The following SPTBN5 variants were observed in gnomAD, a reference collection of about 807,000 sequenced individuals.
SPTBN5 encodes the protein spectrin beta chain, non-erythrocytic 5.
Under a neutral mutation model 477.6 loss-of-function variants are expected in SPTBN5, and 513 were observed. The ratio of observed to expected loss-of-function variants is 1.07; its 90% CI spans 1.00 to 1.16. The LOEUF is 1.16. SPTBN5 is among the 50% of genes most tolerant of loss of function. The pLI is 0.00. For synonymous variants in SPTBN5, 2,169 were observed against 2,011.7 expected (o/e 1.08, Z -2.09); for missense variants, 5,062 against 4,731.8 (o/e 1.07, Z -2.05).
chr15:41,893,379 T>C lies in SPTBN5; in HGVS notation c.119A>G (p.Tyr40Cys). 1 of 1,613,876 alleles carries C rather than the reference T, an allele frequency of 6.2e-7. No individual in the cohort carries two copies. Among genetic ancestry groups the C allele is most frequent in the Non-Finnish European group, 8.5e-7 (1 of 1,179,878 alleles). Residue 40 changes from tyrosine to cysteine, a missense_variant, in exon 2 of 68, where the codon TAC (tyrosine) becomes TGC (cysteine). By Grantham distance (194) the Tyr-to-Cys change is radical. Transcript: ENST00000320955. Reference sequence around the variant, plus strand: ...TAGCTTGCGAATGTGGCCCGTCTCGTACTGAGAGTCCATGGTGAGACTTGG... The same window carrying C: ...TAGCTTGCGAATGTGGCCCGTCTCGCACTGAGAGTCCATGGTGAGACTTGG... ...PSPSLTMDSQYETGHIRKLQA... is the reference protein window; with the variant it reads ...PSPSLTMDSQCETGHIRKLQA...
chr15:41,851,648 G>T, intron 63 of SPTBN5, 131 bp downstream of exon 63: 1 of 708,282 alleles, frequency 1.4e-6, no homozygotes, highest in Non-Finnish European at 2.4e-6. Flanking sequence ...AAACTGCCTG[G>T]ACAGCATGGT....
chr15:41,870,619 C>T, intron 29 of SPTBN5, 59 bp from the exon 30 acceptor site: 3 of 1,440,612 alleles, frequency 2.1e-6, no homozygotes, highest in Non-Finnish European at 2.9e-6. Context: ...GTCATTCCTC[C>T]CTCCCGCTAG....
chr15:41,850,019 C>T, intron 66 of SPTBN5, 60 bp from the exon 67 acceptor site: 1 of 1,366,204 alleles, frequency 7.3e-7, no homozygotes. Context: ...GGCGCCAGGT[C>T]TGGCTGCTCC....
At chr15:41,874,756 C>T in intron 23 of SPTBN5, 86 bp downstream of exon 23, 1 of 1,369,216 alleles carries the variant, frequency 7.3e-7, no homozygotes, top group Non-Finnish European at 1.0e-6. Flanking sequence ...GAGGTCTGGA[C>T]ACCCCGGTCC....
Position 41,855,436 on chromosome 15 carries a change from AAG to A in SPTBN5, c.9219-10_9219-9del, listed in dbSNP as rs766178215. The A allele has an allele frequency of 6.9e-6, 11 of 1,599,722 alleles. No homozygotes were observed. Among genetic ancestry groups the A allele is most frequent in the Non-Finnish European group, 9.4e-6 (11 of 1,173,572 alleles). ...TGGGCTAGCACCTTGGGGCTGTGGG[AAG>A]AGAGCGACAGTCTGGACTGCAGCCC... On this transcript the variant is annotated splice_polypyrimidine_tract_variant and intron_variant, in intron 54 of 67. Transcript: ENST00000320955.
chr15:41,889,881 C>G (rs997858731), intron 4 of SPTBN5, among the ~76,000 whole-genome samples: 3 of 152,220 alleles, frequency 2.0e-5, no homozygotes, highest in Non-Finnish European at 4.4e-5. Flanking sequence ...GGCCCTGGCC[C>G]TCACTTTAGC....
intron 41 of SPTBN5, 66 bp from the exon 42 acceptor site, chr15:41,862,969 G>A: frequency 6.9e-7 from 1 of 1,441,352 alleles, no homozygotes; most frequent in East Asian, 2.5e-5. Context: ...CTGGCAAAGG[G>A]CCCAACCAGT....
At chr15:41,872,567 C>A in intron 26 of SPTBN5, 108 bp from the exon 27 acceptor site, 1 of 1,206,044 alleles carries the variant, frequency 8.3e-7, no homozygotes, top group South Asian at 1.5e-5. Context: ...ACCCACCACT[C>A]ACACGCCCAT....
intron 66 of SPTBN5, chr15:41,850,622 A>C (rs1356230336): frequency 1.8e-6 from 1 of 559,736 alleles, no homozygotes; most frequent in Non-Finnish European, 3.2e-6. Flanking sequence ...ACCAGGACAC[A>C]GCTGGGGGTT....
rs754784814 is a variant in SPTBN5 at position 41,890,188 on chromosome 15, G to T, written c.402C>A (p.Ile134=). 1 of 1,611,814 alleles carries T rather than the reference G, an allele frequency of 6.2e-7. No homozygotes were observed. The highest frequency in any genetic ancestry group is 8.5e-7 in the Non-Finnish European group (1 of 1,178,840). Residue 134 remains isoleucine (I), a synonymous_variant, in exon 4 of 68, where the codon ATC becomes ATA. Transcript: ENST00000320955. ...FLRAKVPVPL[I]GPENIVDGDQ... ...CTCCGTCCACGATGTTCTCTGGCCC[G>T]ATGAGTGGTACTGGCACCTGTGGGC... is the stretch of plus-strand genomic sequence containing the variant.
Position 41,882,625 on chromosome 15 carries a change from C to T in SPTBN5, c.2006G>A (p.Arg669Gln). Residue 669 changes from arginine (R) to glutamine (Q), a missense_variant, in exon 10 of 68, where the codon CGG becomes CAG. Coordinates refer to ENST00000320955, the MANE Select transcript of SPTBN5 (RefSeq NM_016642.4). The part of the protein sequence containing the change: ...GQRVGNAALG[R>Q]DLSQIAGALQ... The stretch of plus-strand genomic sequence containing the variant: ...GGCGCCTGCGATCTGGCTGAGATCC[C>T]GGCCCAGGGCCGCATTCCCCACCCG... 2 of 1,606,754 alleles carry T rather than the reference C, an allele frequency of 1.2e-6. No individual in the cohort carries two copies. Among genetic ancestry groups the T allele is most frequent in the Non-Finnish European group, 1.7e-6 (2 of 1,177,562 alleles).
intron 41 of SPTBN5, 26 bp downstream of exon 41, chr15:41,863,678 C>T: frequency 3.1e-6 from 5 of 1,589,318 alleles, no homozygotes; most frequent in Non-Finnish European, 4.3e-6. Flanking sequence ...TCACAGCCCC[C>T]ACCGGGACCT....
At chr15:41,858,290 C>A (rs193208492) in intron 49 of SPTBN5, among the ~76,000 whole-genome samples, 1 of 152,016 alleles carries the variant, frequency 6.6e-6, no homozygotes. Context: ...AGAGCAAGAC[C>A]CTGTCTCAAA....
chr15:41,861,551 T>C (rs1008374996), intron 45 of SPTBN5, 55 bp from the exon 46 acceptor site: 18 of 1,568,946 alleles, frequency 1.1e-5, no homozygotes, highest in African/African-American at 8.1e-5. Context: ...GCCACTGCAG[T>C]TGGAGTGACT....
At chr15:41,868,353 C>T (rs1487181989) in intron 33 of SPTBN5, 45 bp downstream of exon 33, 1 of 1,579,412 alleles carries the variant, frequency 6.3e-7, no homozygotes, top group Non-Finnish European at 8.6e-7. Context: ...CAGGCACAGG[C>T]TTGGTCAGCT....
At position 41,877,119 on chromosome 15, in the gene SPTBN5, A is replaced by C; in HGVS notation, c.3708T>G (p.Leu1236=). 1 of 1,613,854 alleles carries C rather than the reference A, an allele frequency of 6.2e-7. No homozygotes were observed. The highest frequency in any genetic ancestry group is 8.5e-7 in the Non-Finnish European group (1 of 1,179,814). Residue 1236 remains leucine, a synonymous_variant, in exon 18 of 68, where the codon CTT becomes CTG. Transcript: ENST00000320955. ...NHQAWLHLDN[L]GEDVREALSL... The stretch of plus-strand genomic sequence containing the variant: ...GCTCCACATTCCTGCTCCATACCCC[A>C]AGGTTGTCCAGGTGCAGCCAGGCCT...
chr15:41,877,638 G>A (rs1199008412), intron 17 of SPTBN5, among the ~76,000 whole-genome samples: 1 of 152,252 alleles, frequency 6.6e-6, no homozygotes, highest in Non-Finnish European at 1.5e-5. Context: ...GCACCTGACC[G>A]CAGGGCCACT....
rs960127991 is a variant in SPTBN5, at chr15:41,875,460, G to T, written c.4285C>A (p.Gln1429Lys). ...CCCTGTCCCTCTTCCCAGTGGACCT[G>T]CAGCTGCCTCAGGAGTTGCTCCTGC... ...GQQEQLLRQL[Q>K]DAKEQLEQLE... The change falls in exon 22 of 68, where the codon CAG becomes AAG. Residue 1429 changes from glutamine (Q) to lysine (K), a missense_variant and splice_region_variant. By Grantham distance (53) the Gln-to-Lys change is moderately conservative (BLOSUM62 1). Coordinates refer to ENST00000320955, the MANE Select transcript of SPTBN5 (RefSeq NM_016642.4). The T allele has an allele frequency of 1.2e-6, 2 of 1,611,312 alleles. No individual in the cohort carries two copies. The highest frequency in any genetic ancestry group is 1.3e-5 in the African/African-American group (1 of 75,032).
chr15:41,888,213 C>A, intron 4 of SPTBN5, 128 bp from the exon 5 acceptor site: 1 of 881,176 alleles, frequency 1.1e-6, no homozygotes, highest in Non-Finnish European at 1.7e-6. Context: ...GCCAGTGTGA[C>A]TCTCCTCTCT....
Sources: allele counts gnomAD v4.1 joint callset (sites outside exome capture counted in the v4.1 genomes callset), GRCh38; gene constraint gnomAD v4.1.1; transcripts MANE v1.5; gene names NCBI Gene and HGNC (gene_info 2026-07-23, HGNC 2026-07-21).